ZNF365: variants seen among roughly 807,000 people sequenced by gnomAD.
The protein encoded by ZNF365 is zinc finger protein 365.
In ZNF365, 22 loss-of-function variants were observed where a neutral mutation model predicts 35.0. The ratio of observed to expected loss-of-function variants is 0.63; its 90% CI spans 0.45 to 0.90. The LOEUF is 0.90. Ranked by LOEUF, ZNF365 falls within the 40% of genes least tolerant of loss-of-function variation. ZNF365 has a pLI of 0.00. For missense variants in ZNF365, 448 were observed against 500.3 expected, an observed-to-expected ratio of 0.90 and a Z score of 1.00; for synonymous variants, 188 against 196.2, an observed-to-expected ratio of 0.96 and a Z score of 0.35.
intron 3 of ZNF365, among the ~76,000 whole-genome samples, chr10:62,392,397 T>C (rs1208197466): frequency 6.6e-6 from 1 of 152,192 alleles, no homozygotes; most frequent in African/African-American, 2.4e-5. Context: ...CCTCGATCCA[T>C]CTTGAGTTGA....
chr10:62,376,603 A>G lies in ZNF365; in HGVS notation c.410A>G (p.Asp137Gly), dbSNP rs2132405981. ...QTYTAMDLHA[D>G]SLDGTRSGPG... ...TACACTGCCATGGACCTCCATGCAGACTCGCTGGATGGGACACGGTCGGGT... is the reference window on the plus strand; with the variant it reads ...TACACTGCCATGGACCTCCATGCAGGCTCGCTGGATGGGACACGGTCGGGT... The change falls in exon 2 of 5, where the codon GAC becomes GGC. Residue 137 changes from aspartate to glycine, a missense_variant. Coordinates refer to ENST00000395254, the MANE Select transcript of ZNF365 (RefSeq NM_014951.3). The G allele has an allele frequency of 6.2e-7, 1 of 1,614,058 alleles. No individual in the cohort carries two copies. Among genetic ancestry groups the G allele is most frequent in the East Asian group, 2.2e-5 (1 of 44,886 alleles).
rs1339463425 is a variant in ZNF365, at chr10:62,376,965, C to A, written c.743+29C>A. 5 of 1,591,668 alleles carry A rather than the reference C, an allele frequency of 3.1e-6. No homozygotes were observed. The African/African-American group carries it at 5.4e-5, about 17-fold the overall frequency. ...AGTGTTGCTGACAGGGGATGCTAAC[C>A]CCATTGCTTTAAGCAGCACCCCAAT... On this transcript the variant is annotated intron_variant, in intron 2 of 4. Transcript: ENST00000395254.
intron 3 of ZNF365, among the ~76,000 whole-genome samples, chr10:62,416,923 T>C (rs1284855701): frequency 6.6e-6 from 1 of 152,066 alleles, no homozygotes; most frequent in Non-Finnish European, 1.5e-5. Context: ...TAATTTAATG[T>C]ACTTCTCCAA....
chr10:62,439,604 A>G (rs144496021), intron 3 of ZNF365, among the ~76,000 whole-genome samples: 2 of 152,298 alleles, frequency 1.3e-5, no homozygotes, highest in Non-Finnish European at 2.9e-5. Flanking sequence ...CTGACTTTGC[A>G]TGAGGTTATA....
At chr10:62,424,721 G>A (rs764233134) in intron 3 of ZNF365, among the ~76,000 whole-genome samples, 1 of 152,194 alleles carries the variant, frequency 6.6e-6, no homozygotes, top group Non-Finnish European at 1.5e-5. Context: ...AATACTGGTA[G>A]CCAAGATGCT....
chr10:62,374,650 G>A (rs1358241586), intron 1 of ZNF365, among the ~76,000 whole-genome samples, 192 bp downstream of exon 1: 1 of 152,190 alleles, frequency 6.6e-6, no homozygotes, highest in African/African-American at 2.4e-5. Context: ...GGCACGCAGC[G>A]GAGAGGGGGC....
chr10:62,387,408 A>G (rs1344839048), intron 2 of ZNF365, among the ~76,000 whole-genome samples: 4 of 152,148 alleles, frequency 2.6e-5, no homozygotes, highest in African/African-American at 2.4e-5. Flanking sequence ...TTCCTTTTTT[A>G]TATTTCTAAT....
chr10:62,380,025 C>T (rs1283586600), intron 2 of ZNF365, among the ~76,000 whole-genome samples: 1 of 152,174 alleles, frequency 6.6e-6, no homozygotes, highest in Non-Finnish European at 1.5e-5. Context: ...TTCACATAAG[C>T]TTCTTTTGCT....
chr10:62,398,862 A>G, intron 4 of ZNF365, 85 bp downstream of exon 4: 1 of 1,264,286 alleles, frequency 7.9e-7, no homozygotes, highest in Non-Finnish European at 1.1e-6. Flanking sequence ...GATCGTATCT[A>G]TTTTATATGA....
exon 5 of ZNF365, chr10:62,480,001 T>G: frequency 6.4e-7 from 1 of 1,551,314 alleles, no homozygotes; most frequent in Non-Finnish European, 8.7e-7. Context: ...TTATTAAGCA[T>G]GTTTTACACT....
chr10:62,471,365 C>CA (rs768258691), intron 4 of ZNF365, among the ~76,000 whole-genome samples: 20,749 of 80,906 alleles, frequency 0.26, 1,921 homozygotes, highest in East Asian at 0.32. Flanking sequence ...GACTCTGTCT[C>CA]AAAAAAAAAA....
rs1467268633 is a variant in ZNF365 at position 62,401,918 on chromosome 10, A to T, written c.*2129A>T. On this transcript the variant is annotated 3_prime_UTR_variant, in exon 5 of 5. Coordinates refer to ENST00000395254, the MANE Select transcript of ZNF365 (RefSeq NM_014951.3). ...TTTGAGATTTGTTTATTATATTAAA[A>T]TGTTTTTTTACGTTCCCACTAAATT... 1.0e-6 allele frequency: 1 copy of T among 985,214 alleles called. No homozygotes were observed. The highest frequency in any genetic ancestry group is 1.2e-6 in the Non-Finnish European group (1 of 829,744). The allele number at this position is 985,214 out of a possible 1,614,324, so 61.0% of individuals were successfully genotyped here. A position where few individuals can be genotyped will look rare whatever the true frequency, so the allele number is the denominator to read the frequency against.
chr10:62,443,836 T>G (rs1029308283), intron 3 of ZNF365, among the ~76,000 whole-genome samples: 1 of 152,136 alleles, frequency 6.6e-6, no homozygotes, highest in Non-Finnish European at 1.5e-5. Flanking sequence ...AATGTCCCTG[T>G]GACCAGTAAA....
intron 3 of ZNF365, among the ~76,000 whole-genome samples, chr10:62,444,921 C>G (rs1488112309): frequency 6.6e-6 from 1 of 151,962 alleles, no homozygotes; most frequent in African/African-American, 2.4e-5. Context: ...GCTATCCCTC[C>G]CCCCTCTCCC....
chr10:62,421,241 A>G (rs763446686), intron 3 of ZNF365, among the ~76,000 whole-genome samples: 17 of 152,208 alleles, frequency 1.1e-4, no homozygotes, highest in South Asian at 4.1e-4. Context: ...TTGTGAATGT[A>G]GGAGAGTCTA....
At chr10:62,396,970 C>T (rs2132426416) in intron 3 of ZNF365, among the ~76,000 whole-genome samples, 1 of 152,282 alleles carries the variant, frequency 6.6e-6, no homozygotes, top group South Asian at 2.1e-4. Context: ...GACTGAAGTT[C>T]ACTGAAGGAG....
At chr10:62,458,580 A>AT (rs1169780536) in intron 3 of ZNF365, among the ~76,000 whole-genome samples, 1 of 152,046 alleles carries the variant, frequency 6.6e-6, no homozygotes, top group Non-Finnish European at 1.5e-5. Flanking sequence ...ACAACATTAG[A>AT]TTTTGCCAGT....
At chr10:62,444,846 A>G (rs894619418) in intron 3 of ZNF365, among the ~76,000 whole-genome samples, 2 of 152,034 alleles carry the variant, frequency 1.3e-5, no homozygotes, top group African/African-American at 4.8e-5. Flanking sequence ...ACATATGTAT[A>G]CATGTGCCAT....
At chr10:62,428,351 G>T (rs1048195986) in intron 3 of ZNF365, among the ~76,000 whole-genome samples, 1 of 152,092 alleles carries the variant, frequency 6.6e-6, no homozygotes, top group Admixed American at 6.5e-5. Context: ...GGACCTGGTG[G>T]GATGAAATTG....
Sources: allele counts gnomAD v4.1 joint callset (sites outside exome capture counted in the v4.1 genomes callset), GRCh38; gene constraint gnomAD v4.1.1; transcripts MANE v1.5; gene names NCBI Gene and HGNC (gene_info 2026-07-23, HGNC 2026-07-21).